The following PPP3CB variants were observed in gnomAD, a reference collection of about 807,000 sequenced individuals.
PPP3CB encodes protein phosphatase 3 catalytic subunit beta.
A neutral mutation model predicts 66.4 loss-of-function variants in PPP3CB; 8 were observed. The ratio of observed to expected loss-of-function variants is 0.12; its 90% confidence interval spans 0.07 to 0.22. The LOEUF is 0.22. Ranked by LOEUF, PPP3CB falls within the 10% of genes least tolerant of loss-of-function variation. The pLI is 1.00. For missense variants in PPP3CB, 319 were observed against 642.5 expected, an observed-to-expected ratio of 0.50 and a Z score of 5.44; for synonymous variants, 208 against 221.2, an observed-to-expected ratio of 0.94 and a Z score of 0.53.
intron 1 of PPP3CB, among the ~76,000 whole-genome samples, chr10:73,490,199 T>C (rs928098566): frequency 6.6e-6 from 1 of 152,150 alleles, no homozygotes; most frequent in African/African-American, 2.4e-5. Context: ...CAAGGCCCCT[T>C]TGCTTCTACA....
intron 8 of PPP3CB, among the ~76,000 whole-genome samples, chr10:73,468,327 G>T (rs2056650997): frequency 6.6e-6 from 1 of 151,988 alleles, no homozygotes. Context: ...TCAAATGCAG[G>T]TATCTAATGT....
chr10:73,483,395 C>T (rs981355897), intron 1 of PPP3CB, among the ~76,000 whole-genome samples: 8 of 152,186 alleles, frequency 5.3e-5, no homozygotes, highest in Non-Finnish European at 8.8e-5. Context: ...AGGCTCACCC[C>T]TATAATCCCA....
intron 1 of PPP3CB, among the ~76,000 whole-genome samples, chr10:73,486,696 CT>C (rs34277018): frequency 4.6e-5 from 7 of 152,282 alleles, no homozygotes; most frequent in Admixed American, 2.0e-4. Context: ...TTATCAAATT[CT>C]TTTTTCAAAG....
intron 13 of PPP3CB, 104 bp downstream of exon 13, chr10:73,439,768 A>T (rs970746803): frequency 8.4e-6 from 11 of 1,309,752 alleles, no homozygotes; most frequent in Non-Finnish European, 8.7e-6. Context: ...AGTCTGATTC[A>T]TCTTGGGCTG....
intron 13 of PPP3CB, among the ~76,000 whole-genome samples, chr10:73,439,425 C>T (rs950010751): frequency 6.6e-6 from 1 of 152,114 alleles, no homozygotes; most frequent in African/African-American, 2.4e-5. Flanking sequence ...CTCAGTCAGG[C>T]ACACTAGTTT....
chr10:73,476,813 G>T (rs2056797227), intron 3 of PPP3CB, among the ~76,000 whole-genome samples: 1 of 152,062 alleles, frequency 6.6e-6, no homozygotes, highest in Non-Finnish European at 1.5e-5. Flanking sequence ...AGTTGACGAG[G>T]CTAATAATCA....
chr10:73,450,532 CAT>C (rs1676961580), intron 10 of PPP3CB, among the ~76,000 whole-genome samples: 1 of 152,196 alleles, frequency 6.6e-6, no homozygotes, highest in East Asian at 1.9e-4. Flanking sequence ...CTCCCAGACT[CAT>C]ATTCCTAAAA....
chr10:73,460,505 G>A (rs1034144813), intron 9 of PPP3CB, among the ~76,000 whole-genome samples: 2 of 152,048 alleles, frequency 1.3e-5, no homozygotes, highest in Admixed American at 6.6e-5. Flanking sequence ...TCTTCAACAA[G>A]GGAAGAATTC....
At chr10:73,473,600 G>A (rs1413918396) in intron 4 of PPP3CB, among the ~76,000 whole-genome samples, 1 of 151,946 alleles carries the variant, frequency 6.6e-6, no homozygotes, top group Non-Finnish European at 1.5e-5. Flanking sequence ...GCTGTGAGCC[G>A]AGATTGTACC....
At chr10:73,446,686 C>T (rs2056261600) in intron 10 of PPP3CB, 113 bp from the exon 11 acceptor site, 1 of 943,524 alleles carries the variant, frequency 1.1e-6, no homozygotes, top group South Asian at 1.4e-5. Flanking sequence ...ACCCCTGCCA[C>T]CAGCTTACAT....
intron 1 of PPP3CB, among the ~76,000 whole-genome samples, chr10:73,482,909 T>C (rs1054337244): frequency 6.6e-6 from 1 of 152,136 alleles, no homozygotes; most frequent in Non-Finnish European, 1.5e-5. Flanking sequence ...TCAGCCACTG[T>C]GCCTGGCCTA....
chr10:73,495,691 A>C (rs936733033), intron 1 of PPP3CB, 114 bp downstream of exon 1: 1 of 1,425,154 alleles, frequency 7.0e-7, no homozygotes, highest in Non-Finnish European at 9.3e-7. Flanking sequence ...CAAGGGAGGC[A>C]GCCAGTCACT....
At position 73,495,898 on chromosome 10, in the gene PPP3CB, C is replaced by G; in HGVS notation, c.-9G>C. 3 of 399,924 alleles carry G rather than the reference C, an allele frequency of 7.5e-6. No individual in the cohort carries two copies. Among genetic ancestry groups the G allele is most frequent in the Non-Finnish European group, 1.1e-5 (3 of 272,400 alleles). The allele number at this position is 399,924 out of a possible 1,614,324, so 24.8% of individuals were successfully genotyped here. A position where few individuals can be genotyped will look rare whatever the true frequency, so the allele number is the denominator to read the frequency against. Reference sequence around the variant, plus strand: ...GGCTCCGGGGCGGCCATGCTGGGCCCGGGGCTCGGCTAGGCTCTGGGCCGG... The same window carrying G: ...GGCTCCGGGGCGGCCATGCTGGGCCGGGGGCTCGGCTAGGCTCTGGGCCGG... On this transcript the variant is annotated 5_prime_UTR_variant, in exon 1 of 14. Transcript: ENST00000360663.
At chr10:73,495,001 G>C (rs1188232767) in intron 1 of PPP3CB, among the ~76,000 whole-genome samples, 1 of 152,210 alleles carries the variant, frequency 6.6e-6, no homozygotes, top group Non-Finnish European at 1.5e-5. Flanking sequence ...CTGCTGACCT[G>C]TTGTGGGTAA....
chr10:73,487,447 C>T (rs2133027810), intron 1 of PPP3CB, among the ~76,000 whole-genome samples: 1 of 150,736 alleles, frequency 6.6e-6, no homozygotes, highest in Non-Finnish European at 1.5e-5. Context: ...ACTTGGGAGG[C>T]TGAGGCAGGA....
intron 10 of PPP3CB, chr10:73,448,756 AAGAT>A (rs1038768316): frequency 1.1e-5 from 6 of 532,712 alleles, no homozygotes; most frequent in African/African-American, 7.7e-5. Flanking sequence ...GACAAATAAA[AAGAT>A]AGAGATTTAA....
chr10:73,485,167 T>C (rs1035120758), intron 1 of PPP3CB, among the ~76,000 whole-genome samples: 4 of 152,170 alleles, frequency 2.6e-5, no homozygotes, highest in African/African-American at 9.7e-5. Flanking sequence ...CTTCCTTTTA[T>C]CCAAATTTTG....
At chr10:73,450,511 C>A (rs1220282449) in intron 10 of PPP3CB, among the ~76,000 whole-genome samples, 2 of 152,208 alleles carry the variant, frequency 1.3e-5, no homozygotes, top group African/African-American at 2.4e-5. Flanking sequence ...ATTCCCATTT[C>A]TCCATGCAAA....
rs1453516750 is a variant in PPP3CB at position 73,467,697 on chromosome 10, A to G, written c.983-19T>C. ...ACAGCAGCTGCAAGATAAGTTGAAC[A>G]TCAATAACTTAATAGATAAGTAACT... On this transcript the variant is annotated intron_variant, in intron 8 of 13. Coordinates refer to ENST00000360663, the MANE Select transcript of PPP3CB (RefSeq NM_021132.4). 6.6e-7 allele frequency: 1 copy of G among 1,515,800 alleles called. No individual in the cohort carries two copies. The highest frequency in any genetic ancestry group is 8.9e-7 in the Non-Finnish European group (1 of 1,117,962). The allele number at this position is 1,515,800 out of a possible 1,614,324, so 93.9% of individuals were successfully genotyped here.
Sources: gnomAD v4.1 joint callset for allele counts (sites outside exome capture counted in the v4.1 genomes callset) on GRCh38, gnomAD v4.1.1 for gene constraint, MANE v1.5 for transcripts, NCBI Gene and HGNC (gene_info 2026-07-23, HGNC 2026-07-21) for gene names.